The following KALRN variants were observed in gnomAD, a reference collection of about 807,000 sequenced individuals.
The protein encoded by KALRN is kalirin.
A neutral mutation model predicts 353.7 loss-of-function variants in KALRN; 70 were observed. That is an observed-to-expected ratio of 0.20 (90% CI 0.16 to 0.24). KALRN has a LOEUF of 0.24. Among genes scored for constraint, KALRN ranks in the 10% least tolerant of loss-of-function variants. The pLI is 1.00. For missense variants in KALRN, 2,791 were observed against 3,756.7 expected, an observed-to-expected ratio of 0.74 and a Z score of 6.72; for synonymous variants, 1,391 against 1,434.8, an observed-to-expected ratio of 0.97 and a Z score of 0.69.
chr3:124,664,364 TGTGTGTGC>T (rs1454690038), intron 45 of KALRN, among the ~76,000 whole-genome samples: 37 of 127,076 alleles, frequency 2.9e-4, no homozygotes, highest in Admixed American at 1.4e-3. Flanking sequence ...TGTGTGTGTG[TGTGTGTGC>T]GCGCGCGCGC....
In KALRN at chr3:124,384,861, C is replaced by A. The variant is rs1461199372; in HGVS notation, c.1787C>A (p.Ala596Glu). Reference sequence around the variant, plus strand: ...TGCTGGCAGAATACGTACACCAATGCGGACAAGCTCCTAGAAGCAGCAGAG... The same window carrying A: ...TGCTGGCAGAATACGTACACCAATGAGGACAAGCTCCTAGAAGCAGCAGAG... ...EEVAQNTYTNADKLLEAAEQL... is the reference protein window; with the variant it reads ...EEVAQNTYTNEDKLLEAAEQL... Residue 596 changes from alanine to glutamate, a missense_variant, in exon 11 of 60, where the codon GCG becomes GAG. By Grantham distance (107) the Ala-to-Glu change is moderately radical (BLOSUM62 -1). Coordinates refer to ENST00000682506, the MANE Select transcript of KALRN (RefSeq NM_001388419.1). 1 of 1,602,202 alleles carries A rather than the reference C, an allele frequency of 6.2e-7. No individual in the cohort carries two copies. Among genetic ancestry groups the A allele is most frequent in the Non-Finnish European group, 8.5e-7 (1 of 1,172,888 alleles).
intron 27 of KALRN, among the ~76,000 whole-genome samples, chr3:124,482,178 T>C (rs1312653969): frequency 2.6e-5 from 4 of 152,118 alleles, no homozygotes; most frequent in African/African-American, 4.8e-5. Context: ...AGAGGAGAAA[T>C]GACTAAAATT....
rs987499234 is a variant in KALRN, at chr3:124,210,613, G to T, written c.74-17377G>T. 2.0e-5 allele frequency among the ~76,000 whole-genome samples: 3 copies of T among 152,052 alleles called. No individual in the cohort carries two copies. In the South Asian group the frequency reaches 6.3e-4, roughly 32 times the overall value. On this transcript the variant is annotated intron_variant, in intron 1 of 59. Transcript: ENST00000682506. ...TATTTTACTGGTTTTGAAAATGGAG[G>T]CCAGAAAGGGGAGAAAGAAGAAAAA...
intron 5 of KALRN, among the ~76,000 whole-genome samples, chr3:124,284,416 C>G (rs577310031): frequency 1.3e-5 from 2 of 152,340 alleles, no homozygotes; most frequent in South Asian, 4.1e-4. Context: ...CCCTTGCAAA[C>G]TACACCTTCT....
intron 34 of KALRN, among the ~76,000 whole-genome samples, chr3:124,631,967 C>T (rs1337252190): frequency 6.6e-6 from 1 of 152,216 alleles, no homozygotes; most frequent in African/African-American, 2.4e-5. Flanking sequence ...ACCACTAGGC[C>T]TTGGCTCACA....
intron 34 of KALRN, among the ~76,000 whole-genome samples, chr3:124,587,140 G>T (rs2075278533): frequency 6.6e-6 from 1 of 152,206 alleles, no homozygotes; most frequent in Non-Finnish European, 1.5e-5. Flanking sequence ...CACTGCAGGG[G>T]ACTGACTGCC....
intron 1 of KALRN, among the ~76,000 whole-genome samples, chr3:124,195,860 T>C (rs1193279375): frequency 6.6e-6 from 1 of 152,248 alleles, no homozygotes; most frequent in South Asian, 2.1e-4. Context: ...ACCTGCACTC[T>C]AGTGCACTTC....
intron 34 of KALRN, among the ~76,000 whole-genome samples, chr3:124,595,080 A>G (rs2076154336): frequency 6.6e-6 from 1 of 152,104 alleles, no homozygotes; most frequent in Admixed American, 6.5e-5. Context: ...AAAATCATAC[A>G]TAAATGGGAA....
At chr3:124,204,321 CT>C (rs1220373269) in intron 1 of KALRN, among the ~76,000 whole-genome samples, 1 of 152,182 alleles carries the variant, frequency 6.6e-6, no homozygotes, top group Non-Finnish European at 1.5e-5. Flanking sequence ...AAATTTTCTA[CT>C]TTTAAAAATC....
intron 34 of KALRN, among the ~76,000 whole-genome samples, chr3:124,577,032 C>T (rs948796721): frequency 2.6e-5 from 4 of 152,170 alleles, no homozygotes; most frequent in African/African-American, 7.2e-5. Context: ...CCAGCTCAGG[C>T]GGCTGCTCAG....
At chr3:124,066,300 T>C (rs1453259550) in intron 1 of KALRN, among the ~76,000 whole-genome samples, 5 of 152,174 alleles carry the variant, frequency 3.3e-5, no homozygotes, top group Non-Finnish European at 7.4e-5. Flanking sequence ...GTCTGGAAAT[T>C]CCACTGCACC....
chr3:124,107,237 G>A (rs573229658), intron 1 of KALRN, among the ~76,000 whole-genome samples: 20 of 152,264 alleles, frequency 1.3e-4, no homozygotes, highest in African/African-American at 4.1e-4. Flanking sequence ...GAGGAAGGAC[G>A]TTAAGTCTTA....
chr3:124,321,099 T>C (rs919934715), intron 6 of KALRN, among the ~76,000 whole-genome samples: 1 of 152,242 alleles, frequency 6.6e-6, no homozygotes, highest in Non-Finnish European at 1.5e-5. Flanking sequence ...AGGGAAAAGA[T>C]ATGACATTCT....
At chr3:124,390,295 T>G (rs557690983) in intron 11 of KALRN, among the ~76,000 whole-genome samples, 3 of 152,336 alleles carry the variant, frequency 2.0e-5, no homozygotes, top group Admixed American at 1.3e-4. Context: ...TAAATATAAG[T>G]CAAGTTAAAT....
chr3:124,585,282 C>T (rs2075051444), intron 34 of KALRN, among the ~76,000 whole-genome samples: 2 of 152,220 alleles, frequency 1.3e-5, no homozygotes, highest in East Asian at 3.9e-4. Flanking sequence ...CCTCACCTCT[C>T]ATTTACACAT....
At position 124,461,886 on chromosome 3, in the gene KALRN, C is replaced by T. The variant is rs1400447811; in HGVS notation, c.3855-4C>T. On this transcript the variant is annotated splice_region_variant and splice_polypyrimidine_tract_variant and intron_variant, in intron 23 of 59. Coordinates refer to ENST00000682506, the MANE Select transcript of KALRN (RefSeq NM_001388419.1). ...CAAGTAAAAGCCCATTTGTTTCCTT[C>T]TAGATTTATTATGGCTGAACTACTC... 6.2e-7 allele frequency: 1 copy of T among 1,611,412 alleles called. No homozygotes were observed. Among genetic ancestry groups the T allele is most frequent in the East Asian group, 2.2e-5 (1 of 44,828 alleles).
At chr3:124,541,795 G>A (rs1261212794) in intron 33 of KALRN, among the ~76,000 whole-genome samples, 1 of 152,092 alleles carries the variant, frequency 6.6e-6, no homozygotes, top group Non-Finnish European at 1.5e-5. Context: ...GGGAGGCTGA[G>A]GCAGGAGAAT....
chr3:124,607,941 C>CT (rs1675675384), intron 34 of KALRN, among the ~76,000 whole-genome samples: 1 of 151,752 alleles, frequency 6.6e-6, no homozygotes, highest in Admixed American at 6.6e-5. Context: ...TTGTATCCTG[C>CT]TTTTTTTCCA....
chr3:124,094,313 T>C (rs2061298265), intron 1 of KALRN, among the ~76,000 whole-genome samples: 1 of 152,192 alleles, frequency 6.6e-6, no homozygotes, highest in South Asian at 2.1e-4. Flanking sequence ...GGAGAGCCAG[T>C]GGTCCCTACA....
Sources: allele counts gnomAD v4.1 joint callset (sites outside exome capture counted in the v4.1 genomes callset), GRCh38; gene constraint gnomAD v4.1.1; transcripts MANE v1.5; gene names NCBI Gene and HGNC (gene_info 2026-07-23, HGNC 2026-07-21).